TENM2: variants seen among roughly 807,000 people sequenced by gnomAD.
TENM2 encodes teneurin transmembrane protein 2.
A neutral mutation model predicts 245.2 loss-of-function variants in TENM2; 52 were observed. The ratio of observed to expected loss-of-function variants is 0.21; its 90% CI spans 0.17 to 0.27. The LOEUF is 0.27. Ranked by LOEUF, TENM2 falls within the 10% of genes least tolerant of loss-of-function variation. TENM2 has a pLI of 1.00. For missense variants in TENM2, 3,046 were observed against 3,666.8 expected, an observed-to-expected ratio of 0.83 and a Z score of 4.37; for synonymous variants, 1,363 against 1,438.9, an observed-to-expected ratio of 0.95 and a Z score of 1.19.
At chr5:168,000,542 C>A (rs142467903) in intron 5 of TENM2, among the ~76,000 whole-genome samples, 281 of 152,286 alleles carry the variant, frequency 1.8e-3, no homozygotes, top group African/African-American at 6.1e-3. Flanking sequence ...TGTAAACATG[C>A]CTCAAGCATT....
chr5:167,594,558 T>C lies in TENM2; in HGVS notation c.502+219085T>C, dbSNP rs186175027. 2.0e-4 allele frequency among the ~76,000 whole-genome samples: 31 copies of C among 152,306 alleles called. No individual in the cohort carries two copies. The East Asian group carries it at 5.8e-3, about 28-fold the overall frequency. On this transcript the variant is annotated intron_variant, in intron 2 of 28. Transcript: ENST00000518659. Reference sequence around the variant, plus strand: ...CTTCTGTACAGATATGTAATTTCCATGTTTTGTTTAATGTAAATTACAATG... The same window carrying C: ...CTTCTGTACAGATATGTAATTTCCACGTTTTGTTTAATGTAAATTACAATG...
chr5:167,282,998 T>G (rs17068240), upstream of TENM2, among the ~76,000 whole-genome samples: 13,469 of 152,184 alleles, frequency 0.089, 781 homozygotes, highest in East Asian at 0.18. Context: ...TATGAGCAAC[T>G]GAGGCAGCAC....
chr5:167,366,927 T>G (rs1352507750), intron 1 of TENM2, among the ~76,000 whole-genome samples: 1 of 152,156 alleles, frequency 6.6e-6, no homozygotes, highest in Admixed American at 6.5e-5. Context: ...TTCGTTGGAA[T>G]TTTCATCAGC....
chr5:167,326,381 T>C (rs1757078125), intron 1 of TENM2, among the ~76,000 whole-genome samples: 1 of 151,956 alleles, frequency 6.6e-6, no homozygotes, highest in Non-Finnish European at 1.5e-5. Context: ...ACTCTTAAAA[T>C]AGGATAAAGT....
intron 2 of TENM2, among the ~76,000 whole-genome samples, chr5:167,441,217 C>G (rs935051428): frequency 6.6e-6 from 1 of 151,956 alleles, no homozygotes; most frequent in African/African-American, 2.4e-5. Context: ...TTTTTCAAGC[C>G]CAGCTAAAGG....
At chr5:167,593,541 CA>C (rs1332857757) in intron 2 of TENM2, among the ~76,000 whole-genome samples, 1 of 152,202 alleles carries the variant, frequency 6.6e-6, no homozygotes, top group East Asian at 1.9e-4. Context: ...ATTTAGCCAC[CA>C]GCTTAGCCCA....
At chr5:167,731,824 T>C (rs1349262359) in intron 2 of TENM2, among the ~76,000 whole-genome samples, 1 of 152,120 alleles carries the variant, frequency 6.6e-6, no homozygotes, top group East Asian at 1.9e-4. Flanking sequence ...TTTCATGCTG[T>C]TACCTTGTCA....
chr5:167,042,189 T>C, the TENM2 span, among the ~76,000 whole-genome samples: 1 of 152,238 alleles, frequency 6.6e-6, no homozygotes. Flanking sequence ...ACATTAACAT[T>C]AATCACTATG....
chr5:167,527,240 C>T (rs929468799), intron 2 of TENM2, among the ~76,000 whole-genome samples: 3 of 152,004 alleles, frequency 2.0e-5, no homozygotes, highest in African/African-American at 7.2e-5. Context: ...GACGTAGGCC[C>T]TCATGCACAG....
rs1178817766 is a variant in TENM2 at position 168,199,063 on chromosome 5, C to G, written c.3111C>G (p.Ser1037=). 3 of 1,613,812 alleles carry G rather than the reference C, an allele frequency of 1.9e-6. No homozygotes were observed. In the African/African-American group the frequency reaches 4.0e-5, roughly 22 times the overall value. ...CAATCATCATCTCCTCCCCACTGTC[C>G]ACCTTCTTTAGTGCTGCCCCTGGGC... The change falls in exon 16 of 29, where the codon TCC becomes TCG. Residue 1037 remains serine (S), a synonymous_variant. Transcript: ENST00000518659.
chr5:167,401,713 C>T (rs999565616), intron 2 of TENM2, among the ~76,000 whole-genome samples: 1 of 152,038 alleles, frequency 6.6e-6, no homozygotes, highest in Non-Finnish European at 1.5e-5. Context: ...CCCTATTTTC[C>T]AGCTTTAGGT....
At chr5:167,404,231 GT>G (rs200552210) in intron 2 of TENM2, among the ~76,000 whole-genome samples, 1 of 54,810 alleles carries the variant, frequency 1.8e-5, no homozygotes, top group Non-Finnish European at 5.6e-5. Context: ...GGCACTGGAG[GT>G]GTTTGAGAGA....
intron 2 of TENM2, among the ~76,000 whole-genome samples, chr5:167,384,372 C>G (rs1258158045): frequency 1.3e-5 from 2 of 152,138 alleles, no homozygotes; most frequent in South Asian, 2.1e-4. Context: ...GATGGATATT[C>G]TAAATGAAGA....
chr5:167,748,545 C>G (rs527245123), intron 2 of TENM2, among the ~76,000 whole-genome samples: 6 of 152,070 alleles, frequency 3.9e-5, no homozygotes, highest in Admixed American at 3.3e-4. Context: ...CATGCCACCA[C>G]TCCTGGCTCT....
intron 1 of TENM2, among the ~76,000 whole-genome samples, chr5:167,287,065 G>T (rs1754314447): frequency 6.6e-6 from 1 of 152,218 alleles, no homozygotes; most frequent in African/African-American, 2.4e-5. Flanking sequence ...AAAAGCATCA[G>T]AAGGTATTTG....
intron 2 of TENM2, among the ~76,000 whole-genome samples, chr5:167,839,522 G>C (rs946114164): frequency 3.9e-5 from 6 of 152,050 alleles, no homozygotes; most frequent in African/African-American, 1.4e-4. Context: ...TTAACTGGCT[G>C]TCATTTCAGA....
intron 3 of TENM2, among the ~76,000 whole-genome samples, chr5:167,884,985 T>C (rs912675239): frequency 6.6e-6 from 1 of 152,210 alleles, no homozygotes; most frequent in Non-Finnish European, 1.5e-5. Context: ...ATGGTTTTGA[T>C]TTGCATTTCT....
At chr5:167,450,827 C>A (rs1418978133) in intron 2 of TENM2, among the ~76,000 whole-genome samples, 1 of 152,058 alleles carries the variant, frequency 6.6e-6, no homozygotes, top group Non-Finnish European at 1.5e-5. Flanking sequence ...AGATACCTTA[C>A]TGGGTGGTAT....
intron 2 of TENM2, among the ~76,000 whole-genome samples, chr5:167,867,839 G>A (rs2151323701): frequency 1.3e-5 from 2 of 152,266 alleles, no homozygotes; most frequent in South Asian, 4.2e-4. Context: ...CGCCTCTGGG[G>A]AAAAGCATGC....
Sources: allele counts gnomAD v4.1 joint callset (sites outside exome capture counted in the v4.1 genomes callset), GRCh38; gene constraint gnomAD v4.1.1; transcripts MANE v1.5; gene names NCBI Gene and HGNC (gene_info 2026-07-23, HGNC 2026-07-21).